Variants in BFSP1 observed in about 807,000 individuals in gnomAD.
BFSP1 encodes the protein beaded filament structural protein 1.
A neutral mutation model predicts 43.9 loss-of-function variants in BFSP1; 38 were observed. That is an observed-to-expected ratio of 0.87 (90% confidence interval 0.67 to 1.14). The LOEUF (loss-of-function observed/expected upper bound fraction) is 1.14. BFSP1 is among the 50% of genes most tolerant of loss of function. BFSP1 has a pLI of 0.00. For missense variants in BFSP1, 850 were observed against 875.1 expected (o/e 0.97, Z 0.36); for synonymous variants, 352 against 354.8 (o/e 0.99, Z 0.09).
intron 6 of BFSP1, among the ~76,000 whole-genome samples, chr20:17,498,044 C>T (rs2033697462): frequency 2.0e-5 from 3 of 152,192 alleles, no homozygotes; most frequent in Admixed American, 2.0e-4. Flanking sequence ...CCTGCTTCTC[C>T]TGCCAAGCAT....
At chr20:17,558,578 A>C (rs957617015) in intron 1 of BFSP1, 1 of 1,226,872 alleles carries the variant, frequency 8.2e-7, no homozygotes, top group Non-Finnish European at 1.1e-6. Context: ...ACAAATGTGC[A>C]ACCCGCTTGC....
At chr20:17,550,778 C>A (rs917737276) in intron 1 of BFSP1, among the ~76,000 whole-genome samples, 2 of 152,086 alleles carry the variant, frequency 1.3e-5, no homozygotes, top group African/African-American at 2.4e-5. Context: ...TGGCCAACTA[C>A]AATCATTTTA....
At chr20:17,509,239 A>G (rs1056058557) in intron 4 of BFSP1, among the ~76,000 whole-genome samples, 3 of 150,776 alleles carry the variant, frequency 2.0e-5, no homozygotes, top group African/African-American at 7.3e-5. Flanking sequence ...AAGAGACACC[A>G]GAGCCCCCAC....
At chr20:17,531,493 G>A (rs2034540748), upstream of BFSP1, 3 of 1,050,744 alleles carry the variant, frequency 2.9e-6, no homozygotes, top group African/African-American at 1.7e-5. Flanking sequence ...GGGCGCGGGA[G>A]AAGAAAAGAG....
upstream of BFSP1, chr20:17,560,679 C>T (rs115158362): frequency 1.3e-5 from 2 of 152,230 alleles, no homozygotes; most frequent in Non-Finnish European, 2.9e-5. Flanking sequence ...CATATCCCAG[C>T]AGGGCTTCAG....
At chr20:17,497,486 GTA>G (rs553251877) in intron 6 of BFSP1, among the ~76,000 whole-genome samples, 133 of 116,030 alleles carry the variant, frequency 1.1e-3, no homozygotes, top group African/African-American at 3.9e-3. Flanking sequence ...ATATACGTGT[GTA>G]TATATATATA....
rs1242245166 is a variant in BFSP1 at position 17,531,362 on chromosome 20, G to A, written c.-33C>T. On this transcript the variant is annotated 5_prime_UTR_variant, in exon 1 of 8. Transcript: ENST00000377873. ...CTGGCGCGGGCGCGCGGGCGGCGCC[G>A]AGCCGGCTCTCCAGGAGGCCCCCGG... is the stretch of plus-strand genomic sequence containing the variant. 8 of 1,337,040 alleles carry A rather than the reference G, an allele frequency of 6.0e-6. No individual in the cohort carries two copies. In the Admixed American group the frequency reaches 2.0e-4, roughly 34 times the overall value. The allele number at this position is 1,337,040 out of a possible 1,614,324, so 82.8% of individuals were successfully genotyped here.
chr20:17,509,070 G>C (rs1435102998), intron 4 of BFSP1, 74 bp from the exon 5 acceptor site: 1 of 1,110,128 alleles, frequency 9.0e-7, no homozygotes. Context: ...GCGGGGCCCT[G>C]GTATGGACGG....
intron 5 of BFSP1, 53 bp downstream of exon 5, chr20:17,508,836 C>G: frequency 6.9e-7 from 1 of 1,451,926 alleles, no homozygotes; most frequent in Non-Finnish European, 9.2e-7. Flanking sequence ...CGCGTAACAC[C>G]TCCATGAAAC....
chr20:17,544,372 G>T (rs576068868), intron 1 of BFSP1, among the ~76,000 whole-genome samples: 2 of 152,320 alleles, frequency 1.3e-5, no homozygotes, highest in Admixed American at 6.5e-5. Flanking sequence ...GTGGCAGATG[G>T]TTTAGAGTAA....
chr20:17,509,179 C>G (rs1457960334), intron 4 of BFSP1, among the ~76,000 whole-genome samples, 183 bp from the exon 5 acceptor site: 1 of 152,168 alleles, frequency 6.6e-6, no homozygotes, highest in Non-Finnish European at 1.5e-5. Context: ...TAGATGAGGT[C>G]ATGAGGATGG....
intron 1 of BFSP1, among the ~76,000 whole-genome samples, chr20:17,564,867 G>A (rs1247047500): frequency 2.6e-5 from 4 of 152,072 alleles, no homozygotes; most frequent in Admixed American, 6.5e-5. Flanking sequence ...GGGATTACAG[G>A]TGTGAGCCAC....
intron 1 of BFSP1, among the ~76,000 whole-genome samples, chr20:17,566,432 A>G (rs1229261956): frequency 6.6e-6 from 1 of 152,244 alleles, no homozygotes; most frequent in Non-Finnish European, 1.5e-5. Context: ...CTCATATTTA[A>G]GGAGAGACCT....
chr20:17,528,849 G>C (rs1405619866), intron 1 of BFSP1, among the ~76,000 whole-genome samples: 1 of 152,162 alleles, frequency 6.6e-6, no homozygotes, highest in Non-Finnish European at 1.5e-5. Context: ...GATTCAGATT[G>C]AGAAACTGGA....
rs1264070839 is a variant in BFSP1 at position 17,520,840 on chromosome 20, C to T, written c.438+4008G>A. Among the ~76,000 whole-genome samples, 4 of 152,224 alleles carry T rather than the reference C, an allele frequency of 2.6e-5. 1 individual carries two copies. The highest frequency in any genetic ancestry group is 1.9e-4 in the East Asian group (1 of 5,200). ...CTGAAGGTAGGGCTTCATGCCTGCA[C>T]CATTTTATCCCCTAAACTCCCTGGC... On this transcript the variant is annotated intron_variant, in intron 2 of 7. Transcript: ENST00000377873.
chr20:17,515,179 C>A (rs981719540), intron 2 of BFSP1, among the ~76,000 whole-genome samples: 2 of 152,194 alleles, frequency 1.3e-5, no homozygotes, highest in Non-Finnish European at 2.9e-5. Context: ...CATCCCCCCA[C>A]AACCCTGCAC....
intron 1 of BFSP1, among the ~76,000 whole-genome samples, chr20:17,538,532 T>C (rs1450109959): frequency 2.0e-5 from 3 of 152,188 alleles, no homozygotes; most frequent in African/African-American, 4.8e-5. Flanking sequence ...ATTCACCAGA[T>C]GGTATCATGA....
intron 3 of BFSP1, among the ~76,000 whole-genome samples, chr20:17,512,575 T>C (rs117669024): frequency 1.3e-5 from 2 of 152,036 alleles, no homozygotes; most frequent in Non-Finnish European, 2.9e-5. Context: ...AAATTAGCTA[T>C]GTGTTGTGGT....
exon 1 of BFSP1, chr20:17,558,853 TGC>T: frequency 2.0e-6 from 2 of 1,015,500 alleles, no homozygotes; most frequent in South Asian, 3.8e-5. Context: ...TTTAGAGGTT[TGC>T]AGAGAGGAAG....
Sources: allele counts gnomAD v4.1 joint callset (sites outside exome capture counted in the v4.1 genomes callset), GRCh38; gene constraint gnomAD v4.1.1; transcripts MANE v1.5; gene names NCBI Gene and HGNC (gene_info 2026-07-23, HGNC 2026-07-21).